The following ITGA8 variants were observed in gnomAD, a reference collection of about 807,000 sequenced individuals.
The protein encoded by ITGA8 is integrin alpha-8.
ITGA8 carries 91 observed loss-of-function variants against 142.3 expected under a neutral mutation model. The observed-to-expected ratio is 0.64, with a 90% confidence interval of 0.54 to 0.76. The LOEUF is 0.76. ITGA8 is among the 30% of genes least tolerant of loss of function. The pLI, the probability that ITGA8 is intolerant of heterozygous loss-of-function variation, is 0.00. For missense variants in ITGA8, 1,406 were observed against 1,327.7 expected (o/e 1.06, Z -0.92); for synonymous variants, 505 against 485.2 (o/e 1.04, Z -0.54).
Position 15,604,320 on chromosome 10 carries a change from T to A in ITGA8, c.2006A>T (p.His669Leu). 1 of 1,612,204 alleles carries A rather than the reference T, an allele frequency of 6.2e-7. No individual in the cohort carries two copies. The highest frequency in any genetic ancestry group is 8.5e-7 in the Non-Finnish European group (1 of 1,179,028). Residue 669 changes from histidine (H) to leucine (L), a missense_variant, in exon 20 of 30, where the codon CAC (histidine) becomes CTC (leucine). His to Leu is a moderately conservative substitution (Grantham distance 99). Coordinates refer to ENST00000378076, the MANE Select transcript of ITGA8 (RefSeq NM_003638.3). ...TCTTGCATTTATTATGAGCATAAGG[T>A]GATTTTCATCTCCAATGATTACCTG... ...KHQVIIGDEN[H>L]LMLIINARNE...
intron 2 of ITGA8, among the ~76,000 whole-genome samples, chr10:15,696,057 C>A (rs1473360946): frequency 6.6e-6 from 1 of 152,204 alleles, no homozygotes; most frequent in Non-Finnish European, 1.5e-5. Context: ...TTTCTGTTTT[C>A]CTAACCAAAC....
chr10:15,574,495 A>G (rs1834245406), intron 24 of ITGA8, among the ~76,000 whole-genome samples: 1 of 151,874 alleles, frequency 6.6e-6, no homozygotes, highest in Non-Finnish European at 1.5e-5. Context: ...GGTTCAAGCG[A>G]TTCTCCTCCC....
intron 28 of ITGA8, among the ~76,000 whole-genome samples, chr10:15,527,165 A>C (rs544918045): frequency 1.3e-5 from 2 of 152,352 alleles, no homozygotes; most frequent in African/African-American, 4.8e-5. Context: ...AGCTGAGCCC[A>C]CATTTTGACA....
chr10:15,688,120 A>G (rs1834866292), intron 2 of ITGA8, 82 bp from the exon 3 acceptor site: 1 of 931,526 alleles, frequency 1.1e-6, no homozygotes, highest in Non-Finnish European at 1.8e-6. Context: ...TACATTAAAA[A>G]TACTTGAACT....
At chr10:15,704,546 C>A (rs2131730418) in intron 2 of ITGA8, among the ~76,000 whole-genome samples, 1 of 152,262 alleles carries the variant, frequency 6.6e-6, no homozygotes, top group Admixed American at 6.5e-5. Context: ...TTCATACTTT[C>A]TTTCACCTCT....
chr10:15,655,705 A>G (rs1306399285), intron 10 of ITGA8, among the ~76,000 whole-genome samples: 1 of 152,214 alleles, frequency 6.6e-6, no homozygotes, highest in Non-Finnish European at 1.5e-5. Context: ...TGGCTCTTCC[A>G]TAACTTCTAG....
intron 14 of ITGA8, among the ~76,000 whole-genome samples, chr10:15,615,727 C>G (rs958421018): frequency 2.0e-5 from 3 of 152,040 alleles, no homozygotes; most frequent in African/African-American, 7.2e-5. Context: ...TTGACTAGGC[C>G]AGTCTCAAAT....
intron 25 of ITGA8, among the ~76,000 whole-genome samples, chr10:15,560,176 G>A (rs67565225): frequency 0.4 from 60,117 of 151,826 alleles, 12,563 homozygotes; most frequent in African/African-American, 0.52. Context: ...ATACTTGGGA[G>A]GCTGAAGCAG....
chr10:15,575,501 T>A lies in ITGA8; in HGVS notation c.2466A>T (p.Glu822Asp). The change falls in exon 24 of 30, where the codon GAA becomes GAT. Residue 822 changes from glutamate (E) to aspartate (D), a missense_variant. By Grantham distance (45) the Glu-to-Asp change is conservative. Coordinates refer to ENST00000378076, the MANE Select transcript of ITGA8 (RefSeq NM_003638.3). ...AGACAATGGCTACCTCATAAATATG[T>A]TCCACCAATGGTCCAACCTCCTCCT... ...HKEEEVGPLV[E>D]HIYELHNIGP... 1 of 1,612,614 alleles carries A rather than the reference T, an allele frequency of 6.2e-7. No homozygotes were observed. The highest frequency in any genetic ancestry group is 8.5e-7 in the Non-Finnish European group (1 of 1,178,628).
chr10:15,575,904 A>G (rs1834283169), intron 23 of ITGA8, among the ~76,000 whole-genome samples: 1 of 151,904 alleles, frequency 6.6e-6, no homozygotes, highest in Admixed American at 6.6e-5. Context: ...TTATACATAT[A>G]TAAATATATA....
Position 15,607,678 on chromosome 10 carries a change from C to T in ITGA8, c.1763G>A (p.Arg588Gln), listed in dbSNP as rs117792487. ...HQCQDFIVYL[R>Q]DETEFRDKLS... is the part of the protein sequence containing the mutation. ...GAGAAGTCTTTCTGGAATACTTACT[C>T]GAAGGTAAACGATGAAATCCTGGCA... The change falls in exon 17 of 30, where the codon CGA (arginine) becomes CAA (glutamine). Residue 588 changes from arginine to glutamine, a missense_variant and splice_region_variant. Coordinates refer to ENST00000378076, the MANE Select transcript of ITGA8 (RefSeq NM_003638.3). 23 of 1,613,568 alleles carry T rather than the reference C, an allele frequency of 1.4e-5. No individual in the cohort carries two copies. Among genetic ancestry groups the T allele is most frequent in the East Asian group, 1.1e-4 (5 of 44,870 alleles).
chr10:15,686,764 G>A (rs771433632), intron 3 of ITGA8, among the ~76,000 whole-genome samples: 5 of 152,014 alleles, frequency 3.3e-5, no homozygotes, highest in Non-Finnish European at 7.4e-5. Context: ...TTCCCATCAC[G>A]TATTTTAGAA....
intron 4 of ITGA8, among the ~76,000 whole-genome samples, chr10:15,683,279 AT>A (rs1834772496): frequency 1.1e-5 from 1 of 88,208 alleles, no homozygotes; most frequent in Non-Finnish European, 2.3e-5. Context: ...CCATCCATCC[AT>A]CCATCCATCC....
intron 5 of ITGA8, among the ~76,000 whole-genome samples, chr10:15,678,218 A>G (rs1051162793): frequency 5.9e-5 from 9 of 152,116 alleles, no homozygotes; most frequent in African/African-American, 2.2e-4. Context: ...AAAAGACAGT[A>G]AACAGTTTAT....
chr10:15,636,660 A>G (rs1434601842), intron 13 of ITGA8, among the ~76,000 whole-genome samples: 2 of 152,094 alleles, frequency 1.3e-5, no homozygotes, highest in African/African-American at 2.4e-5. Flanking sequence ...TCTCCCTTCC[A>G]TCACTGCTAG....
chr10:15,684,169 G>A (rs1050841369), intron 3 of ITGA8, 42 bp from the exon 4 acceptor site: 1 of 1,587,222 alleles, frequency 6.3e-7, no homozygotes, highest in African/African-American at 1.4e-5. Context: ...TTTGATGTAG[G>A]TTTCTCATAC....
intron 13 of ITGA8, among the ~76,000 whole-genome samples, chr10:15,625,472 G>A (rs1358634864): frequency 6.6e-6 from 1 of 152,188 alleles, no homozygotes; most frequent in East Asian, 1.9e-4. Context: ...GAAAGCCCTG[G>A]AGGAAGGTTT....
intron 8 of ITGA8, among the ~76,000 whole-genome samples, chr10:15,661,221 T>C (rs9333109): frequency 0.098 from 14,915 of 152,220 alleles, 930 homozygotes; most frequent in East Asian, 0.29. Flanking sequence ...TGATCAGCGG[T>C]GGCATTATGT....
At chr10:15,716,789 G>A (rs1041628255) in intron 2 of ITGA8, among the ~76,000 whole-genome samples, 3 of 150,392 alleles carry the variant, frequency 2.0e-5, no homozygotes, top group Non-Finnish European at 4.4e-5. Flanking sequence ...TCCTGTCTCA[G>A]CCTCCCAAGT....
Sources: gnomAD v4.1 joint callset for allele counts (sites outside exome capture counted in the v4.1 genomes callset) on GRCh38, gnomAD v4.1.1 for gene constraint, MANE v1.5 for transcripts, NCBI Gene and HGNC (gene_info 2026-07-23, HGNC 2026-07-21) for gene names.